Variants in KIAA1328 observed in about 807,000 individuals in gnomAD.
KIAA1328 encodes the protein KIAA1328.
KIAA1328 carries 52 observed loss-of-function variants against 68.1 expected under a neutral mutation model. The observed-to-expected ratio is 0.76, with a 90% CI of 0.61 to 0.96. The LOEUF (loss-of-function observed/expected upper bound fraction) is 0.96. Among genes scored for constraint, KIAA1328 ranks in the 40% least tolerant of loss-of-function variants. The pLI is 0.00. For synonymous variants in KIAA1328, 232 were observed against 239.4 expected (o/e 0.97, Z 0.28); for missense variants, 641 against 677.6 (o/e 0.95, Z 0.60).
At chr18:36,965,626 C>T (rs948932982) in intron 6 of KIAA1328, among the ~76,000 whole-genome samples, 1 of 149,884 alleles carries the variant, frequency 6.7e-6, no homozygotes, top group Non-Finnish European at 1.5e-5. Flanking sequence ...CCACCTTGGC[C>T]TCCCAAAGTG....
chr18:37,216,344 T>A (rs1358659247), intron 9 of KIAA1328, among the ~76,000 whole-genome samples: 2 of 152,250 alleles, frequency 1.3e-5, no homozygotes, highest in Non-Finnish European at 2.9e-5. Flanking sequence ...TGGTACGTCA[T>A]GTCTTTGTTC....
intron 5 of KIAA1328, among the ~76,000 whole-genome samples, chr18:36,919,936 T>G (rs2151102783): frequency 6.6e-6 from 1 of 152,282 alleles, no homozygotes; most frequent in Non-Finnish European, 1.5e-5. Context: ...TTTGCTTGTT[T>G]AACTTCTTAA....
chr18:36,946,292 A>T (rs2050896708), intron 5 of KIAA1328: 1 of 152,228 alleles, frequency 6.6e-6, no homozygotes, highest in Non-Finnish European at 1.5e-5. Context: ...CATACCAAGA[A>T]TGACTTAAAG....
At chr18:36,899,208 T>C (rs1440952265) in intron 5 of KIAA1328, among the ~76,000 whole-genome samples, 1 of 151,972 alleles carries the variant, frequency 6.6e-6, no homozygotes, top group African/African-American at 2.4e-5. Context: ...GTTTTTTTGC[T>C]TTTACTAATC....
chr18:36,968,542 G>T (rs959881396), intron 6 of KIAA1328, among the ~76,000 whole-genome samples: 4 of 152,078 alleles, frequency 2.6e-5, no homozygotes, highest in Non-Finnish European at 5.9e-5. Flanking sequence ...GACAAAGAAG[G>T]CCATTACATA....
chr18:37,116,660 T>C (rs2058117436), intron 7 of KIAA1328, among the ~76,000 whole-genome samples: 1 of 152,056 alleles, frequency 6.6e-6, no homozygotes, highest in South Asian at 2.1e-4. Context: ...AATTGACAAA[T>C]GGGATCTAAT....
chr18:37,025,870 G>GA (rs1308592114), intron 6 of KIAA1328, among the ~76,000 whole-genome samples: 3 of 152,064 alleles, frequency 2.0e-5, no homozygotes, highest in African/African-American at 7.2e-5. Flanking sequence ...AAATAACTAA[G>GA]ATCAGAGCAG....
chr18:37,132,167 G>T (rs1367109088), intron 7 of KIAA1328, among the ~76,000 whole-genome samples: 1 of 151,942 alleles, frequency 6.6e-6, no homozygotes, highest in East Asian at 1.9e-4. Flanking sequence ...GGCCATTTTT[G>T]AGGCCCCTGT....
At chr18:37,027,814 A>G (rs1026090035) in intron 6 of KIAA1328, among the ~76,000 whole-genome samples, 24 of 152,278 alleles carry the variant, frequency 1.6e-4, no homozygotes, top group African/African-American at 5.8e-4. Flanking sequence ...ATGGGCAAGG[A>G]CTTCATGTCT....
intron 6 of KIAA1328, among the ~76,000 whole-genome samples, chr18:36,995,993 A>G (rs1312700413): frequency 6.6e-6 from 1 of 152,200 alleles, no homozygotes; most frequent in Non-Finnish European, 1.5e-5. Context: ...TCTCTATGCT[A>G]CTTGCTTTAC....
At position 36,891,066 on chromosome 18, in the gene KIAA1328, G is replaced by T. The variant is rs375920009; in HGVS notation, c.448+5394G>T. Among the ~76,000 whole-genome samples the T allele has an allele frequency of 1.6e-4, 24 of 152,240 alleles. No individual in the cohort carries two copies. The East Asian group carries it at 2.1e-3, about 13-fold the overall frequency. ...AAATCCAATTACATTCGAAAATTAA[G>T]AATATAATTGAGATAGCATTTCACA... is the stretch of plus-strand genomic sequence containing the variant. On this transcript the variant is annotated intron_variant, in intron 5 of 9. Coordinates refer to ENST00000280020, the MANE Select transcript of KIAA1328 (RefSeq NM_020776.3).
chr18:37,111,514 A>G (rs1022134774), intron 7 of KIAA1328, among the ~76,000 whole-genome samples: 5 of 152,350 alleles, frequency 3.3e-5, no homozygotes, highest in Admixed American at 2.6e-4. Context: ...ATCTTAAGCC[A>G]TACTTAACCT....
intron 7 of KIAA1328, among the ~76,000 whole-genome samples, chr18:37,107,826 A>G (rs1192593286): frequency 6.6e-6 from 1 of 151,926 alleles, no homozygotes; most frequent in South Asian, 2.1e-4. Context: ...GACTTATGAG[A>G]TGCCATCTCA....
intron 9 of KIAA1328, among the ~76,000 whole-genome samples, chr18:37,210,818 G>A (rs1258905694): frequency 6.6e-6 from 1 of 151,980 alleles, no homozygotes; most frequent in Non-Finnish European, 1.5e-5. Flanking sequence ...TTGCTTTTTG[G>A]AATAATCTTG....
chr18:36,875,733 C>T (rs531031178), intron 4 of KIAA1328, among the ~76,000 whole-genome samples: 1 of 152,288 alleles, frequency 6.6e-6, no homozygotes, highest in Admixed American at 6.5e-5. Flanking sequence ...AGAGGGCATC[C>T]TTGTCTTGTG....
intron 5 of KIAA1328, among the ~76,000 whole-genome samples, chr18:36,926,612 C>T (rs2050128244): frequency 1.3e-5 from 2 of 152,124 alleles, no homozygotes; most frequent in African/African-American, 4.8e-5. Flanking sequence ...GTCTAAACCA[C>T]TCTCTGGAGT....
intron 6 of KIAA1328, among the ~76,000 whole-genome samples, chr18:36,960,091 G>A (rs953219161): frequency 6.6e-6 from 1 of 152,162 alleles, no homozygotes; most frequent in African/African-American, 2.4e-5. Context: ...TGGAAAAACA[G>A]GACACTTCCA....
At chr18:37,133,307 G>A (rs1459835792) in intron 7 of KIAA1328, among the ~76,000 whole-genome samples, 2 of 150,678 alleles carry the variant, frequency 1.3e-5, no homozygotes, top group African/African-American at 4.9e-5. Context: ...ACTCCAGCCT[G>A]GGCAATAAGA....
chr18:36,945,997 G>A (rs908910854), intron 5 of KIAA1328, among the ~76,000 whole-genome samples: 5 of 152,082 alleles, frequency 3.3e-5, no homozygotes, highest in South Asian at 2.1e-4. Context: ...TCCCTAATCC[G>A]GAAATCCAAA....
Sources: allele counts gnomAD v4.1 joint callset (sites outside exome capture counted in the v4.1 genomes callset), GRCh38; gene constraint gnomAD v4.1.1; transcripts MANE v1.5; gene names NCBI Gene and HGNC (gene_info 2026-07-23, HGNC 2026-07-21).